POU6F2: variants seen among roughly 807,000 people sequenced by gnomAD.
The protein encoded by POU6F2 is POU class 6 homeobox 2.
In POU6F2, 31 loss-of-function variants were observed where a neutral mutation model predicts 71.3. The ratio of observed to expected loss-of-function variants is 0.43; its 90% CI spans 0.33 to 0.59. The LOEUF is 0.59. Ranked by LOEUF, POU6F2 falls within the 20% of genes least tolerant of loss-of-function variation. The probability of loss-of-function intolerance (pLI) is 0.04; values close to 1 mark genes in which losing one functional copy is unlikely to be tolerated. For missense variants in POU6F2, 783 were observed against 856.8 expected (o/e 0.91, Z 1.07); for synonymous variants, 347 against 355.7 (o/e 0.98, Z 0.27).
intron 4 of POU6F2, among the ~76,000 whole-genome samples, chr7:39,297,417 A>G (rs1464683577): frequency 1.3e-5 from 2 of 152,226 alleles, no homozygotes; most frequent in Non-Finnish European, 2.9e-5. Flanking sequence ...GGGCCACGTT[A>G]TTATAATACA....
chr7:39,180,606 A>G (rs1793417144), intron 2 of POU6F2, among the ~76,000 whole-genome samples: 1 of 151,936 alleles, frequency 6.6e-6, no homozygotes, highest in Non-Finnish European at 1.5e-5. Context: ...ATTCCCAGTC[A>G]TTTGCCTTTT....
chr7:39,104,400 G>A (rs982914177), intron 2 of POU6F2, among the ~76,000 whole-genome samples: 7 of 152,228 alleles, frequency 4.6e-5, no homozygotes, highest in Admixed American at 2.6e-4. Context: ...TTGAAGTCTT[G>A]TTCTCACACG....
intron 4 of POU6F2, among the ~76,000 whole-genome samples, chr7:39,321,896 G>T (rs1289330205): frequency 4.6e-5 from 7 of 152,088 alleles, no homozygotes; most frequent in South Asian, 4.2e-4. Flanking sequence ...TATATATAGA[G>T]AGAGAGAGAC....
At chr7:39,142,961 T>C (rs1368895409) in intron 2 of POU6F2, among the ~76,000 whole-genome samples, 1 of 152,230 alleles carries the variant, frequency 6.6e-6, no homozygotes, top group Non-Finnish European at 1.5e-5. Flanking sequence ...CTAAACAGTT[T>C]TTTATGAAAT....
At chr7:39,224,733 T>C (rs1794430426) in intron 4 of POU6F2, among the ~76,000 whole-genome samples, 1 of 152,216 alleles carries the variant, frequency 6.6e-6, no homozygotes, top group African/African-American at 2.4e-5. Flanking sequence ...CACCAGTTGA[T>C]CAGCCTCATG....
chr7:39,017,356 A>C (rs1479529859), intron 1 of POU6F2, among the ~76,000 whole-genome samples: 1 of 152,178 alleles, frequency 6.6e-6, no homozygotes, highest in African/African-American at 2.4e-5. Flanking sequence ...GGATCTGTTT[A>C]CTTTGTACTG....
At chr7:39,128,092 C>T (rs574833336) in intron 2 of POU6F2, among the ~76,000 whole-genome samples, 5 of 152,000 alleles carry the variant, frequency 3.3e-5, no homozygotes, top group South Asian at 4.2e-4. Flanking sequence ...CCGCCCACCT[C>T]GGCCTCCCAA....
rs370022697 is a variant in POU6F2, at chr7:39,138,015, G to C, written c.277+51984G>C. Among the ~76,000 whole-genome samples, 31 of 152,276 alleles carry C rather than the reference G, an allele frequency of 2.0e-4. No homozygotes were observed. In the East Asian group the frequency reaches 5.6e-3, roughly 27 times the overall value. On this transcript the variant is annotated intron_variant, in intron 2 of 9. Coordinates refer to ENST00000518318, the MANE Select transcript of POU6F2 (RefSeq NM_001370959.1). ...ATCATGTGTATTACAGGAATTGGGG[G>C]TCTGTAAGATTTTGCTATTAAATTA...
chr7:39,286,548 G>A (rs12701714), intron 4 of POU6F2, among the ~76,000 whole-genome samples: 70,222 of 151,914 alleles, frequency 0.46, 17,193 homozygotes, highest in Admixed American at 0.62. Flanking sequence ...ACAGTTTTCT[G>A]GCCTCTCCTT....
chr7:39,341,496 G>T (rs1351301450), intron 5 of POU6F2, among the ~76,000 whole-genome samples: 3 of 152,102 alleles, frequency 2.0e-5, no homozygotes, highest in Non-Finnish European at 4.4e-5. Context: ...TTTACAGAAG[G>T]CATGATTACA....
chr7:39,445,792 T>C (rs1039836339), intron 7 of POU6F2, among the ~76,000 whole-genome samples: 15 of 152,216 alleles, frequency 9.9e-5, no homozygotes, highest in Admixed American at 3.9e-4. Context: ...GCATTCATTA[T>C]ACCCTCCTAG....
At chr7:39,070,328 A>G (rs1230317029) in intron 1 of POU6F2, among the ~76,000 whole-genome samples, 1 of 151,896 alleles carries the variant, frequency 6.6e-6, no homozygotes, top group Non-Finnish European at 1.5e-5. Flanking sequence ...AAAATCTTTT[A>G]TTTCTAATTC....
intron 1 of POU6F2, among the ~76,000 whole-genome samples, chr7:39,077,226 G>A (rs1193001100): frequency 2.0e-5 from 3 of 152,196 alleles, no homozygotes; most frequent in Non-Finnish European, 2.9e-5. Flanking sequence ...AATTGATGGT[G>A]CTATTAGGTT....
chr7:39,318,596 G>C (rs1207724533), intron 4 of POU6F2, among the ~76,000 whole-genome samples: 2 of 152,194 alleles, frequency 1.3e-5, no homozygotes, highest in African/African-American at 4.8e-5. Context: ...GTTCTTATGT[G>C]TCTGCTGCAA....
intron 2 of POU6F2, among the ~76,000 whole-genome samples, chr7:39,119,223 A>T (rs1168851309): frequency 6.6e-6 from 1 of 152,192 alleles, no homozygotes; most frequent in Non-Finnish European, 1.5e-5. Context: ...TGCCCCTGGG[A>T]AAAGGGCACA....
chr7:39,331,394 A>G lies in POU6F2; in HGVS notation c.599-8248A>G, dbSNP rs543611016. On this transcript the variant is annotated intron_variant, in intron 4 of 9. Transcript: ENST00000518318. ...TGTCTTAGTTTGAAATCCCACCAAT[A>G]GTATGTAAGTGTTCCCTCTTCACGT... Among the ~76,000 whole-genome samples the G allele has an allele frequency of 1.4e-4, 21 of 152,232 alleles. 1 individual carries two copies. In the South Asian group the frequency reaches 4.4e-3, roughly 32 times the overall value.
chr7:39,102,439 A>G (rs909327908), intron 2 of POU6F2, among the ~76,000 whole-genome samples: 2 of 152,084 alleles, frequency 1.3e-5, no homozygotes, highest in African/African-American at 2.4e-5. Context: ...CTGGGTAGCT[A>G]GCCCCTAGAG....
intron 2 of POU6F2, among the ~76,000 whole-genome samples, chr7:39,172,863 C>T (rs1793250120): frequency 6.6e-6 from 1 of 152,046 alleles, no homozygotes; most frequent in Non-Finnish European, 1.5e-5. Context: ...TCAAATGATC[C>T]ACCCGCCTCG....
intron 4 of POU6F2, among the ~76,000 whole-genome samples, chr7:39,268,317 G>T (rs981660914): frequency 6.6e-6 from 1 of 152,194 alleles, no homozygotes; most frequent in Non-Finnish European, 1.5e-5. Context: ...ATTGGTGCCA[G>T]TTTAGATCTG....
Sources: allele counts gnomAD v4.1 joint callset (sites outside exome capture counted in the v4.1 genomes callset), GRCh38; gene constraint gnomAD v4.1.1; transcripts MANE v1.5; gene names NCBI Gene and HGNC (gene_info 2026-07-23, HGNC 2026-07-21).